Variants in CTSD observed in about 807,000 individuals in gnomAD.
The protein encoded by CTSD is cathepsin D, also known as ceroid-lipofuscinosis, neuronal 10.
Under a neutral mutation model 43.6 loss-of-function variants are expected in CTSD, and 28 were observed. The ratio of observed to expected loss-of-function variants is 0.64; its 90% CI spans 0.48 to 0.88. The LOEUF (loss-of-function observed/expected upper bound fraction) is 0.88, where lower values mean the gene tolerates loss of function less well. CTSD is among the 40% of genes least tolerant of loss of function. The pLI is 0.00. For missense variants in CTSD, 485 were observed against 555.2 expected, an observed-to-expected ratio of 0.87 and a Z score of 1.27; for synonymous variants, 270 against 249.8, an observed-to-expected ratio of 1.08 and a Z score of -0.76.
intron 5 of CTSD, among the ~76,000 whole-genome samples, chr11:1,755,521 G>T (rs1013544819): frequency 2.6e-5 from 4 of 152,156 alleles, no homozygotes; most frequent in African/African-American, 7.2e-5. Flanking sequence ...AGCCACGTCC[G>T]CTCATCTCCC....
At chr11:1,761,520 G>A (rs781270153) in intron 1 of CTSD, 52 bp from the exon 2 acceptor site, 20 of 1,599,588 alleles carry the variant, frequency 1.3e-5, no homozygotes, top group South Asian at 4.4e-5. Flanking sequence ...CCTGCCGGCC[G>A]ACGCTGCCAA....
Position 1,757,320 on chromosome 11 carries a change from C to T in CTSD, c.704+4G>A. ...GCGGAGCGAGAGGGAACCCACACGC[C>T]CACCTGCTCAGGTAGAAGGAGAAGA... On this transcript the variant is annotated splice_donor_region_variant and intron_variant, in intron 5 of 8. Coordinates refer to ENST00000236671, the MANE Select transcript of CTSD (RefSeq NM_001909.5). The T allele has an allele frequency of 6.2e-7, 1 of 1,612,370 alleles. No individual in the cohort carries two copies. Among genetic ancestry groups the T allele is most frequent in the East Asian group, 2.2e-5 (1 of 44,872 alleles).
chr11:1,759,979 C>G (rs1845855345), intron 2 of CTSD, among the ~76,000 whole-genome samples: 1 of 152,228 alleles, frequency 6.6e-6, no homozygotes, highest in Admixed American at 6.5e-5. Context: ...TGGCCCTCAG[C>G]CTGAGCCCCG....
chr11:1,761,227 G>A, intron 2 of CTSD, 82 bp downstream of exon 2: 2 of 1,506,334 alleles, frequency 1.3e-6, no homozygotes. Context: ...CTGAGAACAG[G>A]AGGTGGGAAT....
intron 1 of CTSD, chr11:1,762,349 G>T (rs1047640632): frequency 6.6e-6 from 1 of 152,288 alleles, no homozygotes; most frequent in Non-Finnish European, 1.5e-5. Context: ...GCGAGTAAGA[G>T]AGAGAGGGGT....
intron 1 of CTSD, chr11:1,761,713 A>C (rs1845880416): frequency 1.7e-6 from 1 of 576,690 alleles, no homozygotes; most frequent in African/African-American, 1.9e-5. Flanking sequence ...CACCCACCTC[A>C]GCCCCACACA....
At chr11:1,754,176 G>T in intron 6 of CTSD, 38 bp from the exon 7 acceptor site, 2 of 1,596,314 alleles carry the variant, frequency 1.3e-6, no homozygotes, top group South Asian at 1.1e-5. Context: ...TGCCGGGACT[G>T]GAGTGTGCCC....
At chr11:1,756,090 C>T (rs1420729107) in intron 5 of CTSD, among the ~76,000 whole-genome samples, 1 of 151,742 alleles carries the variant, frequency 6.6e-6, no homozygotes, top group African/African-American at 2.4e-5. Flanking sequence ...TATGCCTCCC[C>T]CGACCTGGGT....
At chr11:1,761,570 G>C in intron 1 of CTSD, 102 bp from the exon 2 acceptor site, 2 of 1,353,762 alleles carry the variant, frequency 1.5e-6, no homozygotes, top group Non-Finnish European at 2.1e-6. Context: ...GAATCTCAGA[G>C]TCGCCACAGC....
At chr11:1,757,908 C>T (rs1317356) in intron 4 of CTSD, 167,252 of 368,040 alleles carry the variant, frequency 0.45, 42,398 homozygotes, top group East Asian at 0.59. Context: ...GAACAAGACA[C>T]AGCCTGGGCC....
At chr11:1,763,121 G>A (rs1845902979) in intron 1 of CTSD, 1 of 152,490 alleles carries the variant, frequency 6.6e-6, no homozygotes, top group Admixed American at 6.5e-5. Flanking sequence ...GGCATGGCCG[G>A]GCCCCATCCC....
chr11:1,762,451 A>G (rs1052971305), intron 1 of CTSD: 1 of 152,204 alleles, frequency 6.6e-6, no homozygotes, highest in Admixed American at 6.5e-5. Flanking sequence ...AATCACTTAA[A>G]TAAAACCTCT....
At chr11:1,761,087 C>G in intron 2 of CTSD, 4 of 590,850 alleles carry the variant, frequency 6.8e-6, no homozygotes, top group South Asian at 1.9e-5. Flanking sequence ...CAATCACCCT[C>G]CCAGGCCCTA....
Position 1,759,496 on chromosome 11 carries a change from G to A in CTSD, c.352+20C>T. 2.5e-6 allele frequency: 4 copies of A among 1,612,876 alleles called. No individual in the cohort carries two copies. The highest frequency in any genetic ancestry group is 3.4e-6 in the Non-Finnish European group (4 of 1,179,910). ...CGGAAGGGCAGGACCTGGGCGACGG[G>A]GCCAGGGTTCGTGACTCACAGCAAG... On this transcript the variant is annotated intron_variant, in intron 3 of 8. Transcript: ENST00000236671.
In CTSD at chr11:1,753,397, T is replaced by TGGGC; in HGVS notation, c.*102_*105dup. 1 of 1,402,968 alleles carries TGGGC rather than the reference T, an allele frequency of 7.1e-7. No individual in the cohort carries two copies. The highest frequency in any genetic ancestry group is 1.0e-6 in the Non-Finnish European group (1 of 993,496). The allele number at this position is 1,402,968 out of a possible 1,614,324, so 86.9% of individuals were successfully genotyped here. A position where few individuals can be genotyped will look rare whatever the true frequency, so the allele number is the denominator to read the frequency against. Reference sequence around the variant, plus strand: ...CCGGCTTCCAGGGCGCCCAGGACAGTGGGCGGGCGAGTGTGTGGGTGTGTG... The same window carrying TGGGC: ...CCGGCTTCCAGGGCGCCCAGGACAGTGGGCGGGCGGGCGAGTGTGTGGGTGTGTG... On this transcript the variant is annotated 3_prime_UTR_variant, in exon 9 of 9. Coordinates refer to ENST00000236671, the MANE Select transcript of CTSD (RefSeq NM_001909.5).
Position 1,763,902 on chromosome 11 carries a change from C to G in CTSD, c.-43G>C. On this transcript the variant is annotated 5_prime_UTR_variant, in exon 1 of 9. Transcript: ENST00000236671. ...CGGAGAGGGTCGCCGAGGCCGTGCGCTTATAGCCGGGATGACGCCGCAGTT... is the reference window on the plus strand; with the variant it reads ...CGGAGAGGGTCGCCGAGGCCGTGCGGTTATAGCCGGGATGACGCCGCAGTT... The G allele has an allele frequency of 6.7e-7, 1 of 1,497,856 alleles. No homozygotes were observed. Among genetic ancestry groups the G allele is most frequent in the Non-Finnish European group, 8.9e-7 (1 of 1,124,092 alleles). 92.8% of individuals were successfully genotyped at this position (1,497,856 alleles called of 1,614,324 possible). A position where few individuals can be genotyped will look rare whatever the true frequency, so the allele number is the denominator to read the frequency against.
rs759564989 is a variant in CTSD at position 1,755,017 on chromosome 11, G to A, written c.716C>T (p.Ala239Val). ...FSFYLSRDPD[A>V]QPGGELMLGG... ...CAGCATCAGCTCACCCCCAGGCTGCGCATCTGGGTCCCTAGGAGGAAAAGG... is the reference window on the plus strand; with the variant it reads ...CAGCATCAGCTCACCCCCAGGCTGCACATCTGGGTCCCTAGGAGGAAAAGG... Residue 239 changes from alanine to valine, a missense_variant, in exon 6 of 9, where the codon GCG (alanine) becomes GTG (valine). Ala to Val is a moderately conservative substitution (Grantham distance 64). Coordinates refer to ENST00000236671, the MANE Select transcript of CTSD (RefSeq NM_001909.5). 2.0e-5 allele frequency: 33 copies of A among 1,613,716 alleles called. No individual in the cohort carries two copies. The highest frequency in any genetic ancestry group is 4.5e-5 in the East Asian group (2 of 44,886).
At chr11:1,759,182 A>AC (rs1238424770) in intron 3 of CTSD, 95 bp from the exon 4 acceptor site, 15 of 1,045,018 alleles carry the variant, frequency 1.4e-5, no homozygotes, top group African/African-American at 3.1e-5. Flanking sequence ...TGGAGCCCGC[A>AC]CCCCCCAAGC....
chr11:1,758,832 T>A (rs1845839905), intron 4 of CTSD, 137 bp downstream of exon 4: 1 of 766,998 alleles, frequency 1.3e-6, no homozygotes, highest in African/African-American at 1.7e-5. Flanking sequence ...CTCCTCACCC[T>A]GCTGACTGCC....
Sources: allele counts gnomAD v4.1 joint callset (sites outside exome capture counted in the v4.1 genomes callset), GRCh38; gene constraint gnomAD v4.1.1; transcripts MANE v1.5; gene names NCBI Gene and HGNC (gene_info 2026-07-23, HGNC 2026-07-21).